The following UGT1A6 variants were observed in gnomAD, a reference collection of about 807,000 sequenced individuals.
UGT1A6 encodes UDP glucuronosyltransferase family 1 member A6, also known as UDP-glucuronosyltransferase 1A6.
In UGT1A6, 32 loss-of-function variants were observed where a neutral mutation model predicts 44.4. The ratio of observed to expected loss-of-function variants is 0.72; its 90% CI spans 0.54 to 0.97. UGT1A6 has a LOEUF of 0.97. Ranked by LOEUF, UGT1A6 falls within the 50% of genes least tolerant of loss-of-function variation. The pLI is 0.00. For missense variants in UGT1A6, 685 were observed against 661.9 expected (o/e 1.03, Z -0.38); for synonymous variants, 238 against 248.5 (o/e 0.96, Z 0.40).
chr2:233,765,190 A>G (rs186057259), intron 1 of UGT1A6, among the ~76,000 whole-genome samples: 22 of 152,308 alleles, frequency 1.4e-4, no homozygotes, highest in Admixed American at 5.2e-4. Flanking sequence ...ACATCACACA[A>G]TCATATTAGT....
At chr2:233,728,345 G>A (rs2077703623) in intron 1 of UGT1A6, among the ~76,000 whole-genome samples, 1 of 152,208 alleles carries the variant, frequency 6.6e-6, no homozygotes, top group Non-Finnish European at 1.5e-5. Context: ...GTCCCTTGGT[G>A]AGCAGGAGCT....
In UGT1A6 at chr2:233,772,291, G is replaced by C; in HGVS notation, c.1331G>C (p.Ser444Thr). Residue 444 changes from serine (S) to threonine (T), a missense_variant, in exon 5 of 5, where the codon AGC becomes ACC. Physicochemically the swap from Ser to Thr is moderately conservative, Grantham distance 58. Transcript: ENST00000305139. ...SYKENIMRLS[S>T]LHKDRPVEPL... ...AAGGAGAACATCATGCGCCTCTCCA[G>C]CCTTCACAAGGACCGCCCGGTGGAG... 1 of 1,614,230 alleles carries C rather than the reference G, an allele frequency of 6.2e-7. No individual in the cohort carries two copies. The highest frequency in any genetic ancestry group is 8.5e-7 in the Non-Finnish European group (1 of 1,180,052).
chr2:233,746,538 T>G (rs575149330), intron 1 of UGT1A6, among the ~76,000 whole-genome samples: 26 of 151,796 alleles, frequency 1.7e-4, no homozygotes, highest in Non-Finnish European at 3.5e-4. Flanking sequence ...GCTGCCCTGC[T>G]GTGTGACTTC....
chr2:233,718,877 C>T, intron 1 of UGT1A6: 3 of 1,613,970 alleles, frequency 1.9e-6, no homozygotes, highest in Non-Finnish European at 2.5e-6. Context: ...TGCTGCTCCT[C>T]CTCAGTGTCC....
At chr2:233,697,377 A>G (rs556619948) in intron 1 of UGT1A6, among the ~76,000 whole-genome samples, 1 of 152,202 alleles carries the variant, frequency 6.6e-6, no homozygotes, top group East Asian at 1.9e-4. Context: ...AGAGTTCACA[A>G]TAATCGCTAA....
intron 1 of UGT1A6, among the ~76,000 whole-genome samples, chr2:233,719,840 T>A (rs2076807243): frequency 6.6e-6 from 1 of 152,240 alleles, no homozygotes; most frequent in South Asian, 2.1e-4. Flanking sequence ...GCCTAGTGTA[T>A]TTCAAGTTTT....
At chr2:233,729,263 A>C (rs1204549030) in intron 1 of UGT1A6, 7 of 1,614,084 alleles carry the variant, frequency 4.3e-6, no homozygotes. Flanking sequence ...AGCATGCGGG[A>C]GGTCTTGCGG....
intron 2 of UGT1A6, among the ~76,000 whole-genome samples, 197 bp downstream of exon 2, chr2:233,767,362 A>G (rs916672959): frequency 6.6e-6 from 1 of 152,144 alleles, no homozygotes; most frequent in Non-Finnish European, 1.5e-5. Context: ...CAAATACTCT[A>G]TTAAACTATG....
chr2:233,752,944 C>T (rs1559397408), intron 1 of UGT1A6, among the ~76,000 whole-genome samples: 2 of 152,230 alleles, frequency 1.3e-5, no homozygotes, highest in Non-Finnish European at 2.9e-5. Context: ...TTGCTGACCA[C>T]TGAACAATGG....
chr2:233,767,223 A>G (rs1699340574), intron 2 of UGT1A6, 58 bp downstream of exon 2: 3 of 1,610,856 alleles, frequency 1.9e-6, no homozygotes, highest in South Asian at 1.1e-5. Flanking sequence ...CTAATCCCAG[A>G]CTTCCAGCTT....
intron 1 of UGT1A6, chr2:233,747,572 A>G (rs968411318): frequency 5.2e-5 from 82 of 1,588,740 alleles, no homozygotes; most frequent in Non-Finnish European, 6.5e-5. Context: ...TGAAAAATTC[A>G]TCTTTGGTCT....
chr2:233,746,072 G>A (rs1693292846), intron 1 of UGT1A6, among the ~76,000 whole-genome samples: 2 of 151,808 alleles, frequency 1.3e-5, no homozygotes, highest in Admixed American at 6.6e-5. Flanking sequence ...AAAGAGAAGA[G>A]GAGTCACTTC....
At chr2:233,756,026 C>T (rs573577160) in intron 1 of UGT1A6, 1 of 152,204 alleles carries the variant, frequency 6.6e-6, no homozygotes, top group Non-Finnish European at 1.5e-5. Context: ...TACACATCCC[C>T]CATGTAGCTT....
chr2:233,727,434 G>A (rs2077616452), intron 1 of UGT1A6, among the ~76,000 whole-genome samples: 1 of 152,122 alleles, frequency 6.6e-6, no homozygotes, highest in African/African-American at 2.4e-5. Context: ...TCCCAGACAT[G>A]TGACAAGAAA....
At chr2:233,717,835 A>G (rs773677565) in intron 1 of UGT1A6, 3 of 455,164 alleles carry the variant, frequency 6.6e-6, no homozygotes, top group South Asian at 4.7e-5. Flanking sequence ...TTCTGGAGGA[A>G]CCATTCTTAT....
At chr2:233,699,496 T>A (rs1207388053) in intron 1 of UGT1A6, among the ~76,000 whole-genome samples, 1 of 152,174 alleles carries the variant, frequency 6.6e-6, no homozygotes, top group Admixed American at 6.5e-5. Flanking sequence ...CTACTTGTAA[T>A]ACAAAGAACT....
At chr2:233,728,461 T>G (rs1047446637) in intron 1 of UGT1A6, among the ~76,000 whole-genome samples, 5 of 152,176 alleles carry the variant, frequency 3.3e-5, no homozygotes, top group African/African-American at 2.4e-5. Context: ...CAACAAAGTC[T>G]TCCCAAGAAT....
At chr2:233,718,037 G>A (rs1268815456) in intron 1 of UGT1A6, 2 of 377,926 alleles carry the variant, frequency 5.3e-6, no homozygotes, top group Non-Finnish European at 1.0e-5. Context: ...CCTTTGGTGA[G>A]CAGGAGCTCC....
intron 1 of UGT1A6, among the ~76,000 whole-genome samples, chr2:233,758,245 A>C (rs1047370626): frequency 6.6e-6 from 1 of 152,214 alleles, no homozygotes; most frequent in African/African-American, 2.4e-5. Flanking sequence ...ATTGCCCACT[A>C]TTCAGATTAG....
Sources: gnomAD v4.1 joint callset for allele counts (sites outside exome capture counted in the v4.1 genomes callset) on GRCh38, gnomAD v4.1.1 for gene constraint, MANE v1.5 for transcripts, NCBI Gene and HGNC (gene_info 2026-07-23, HGNC 2026-07-21) for gene names.